THADA: variants seen among roughly 807,000 people sequenced by gnomAD.
The protein encoded by THADA is THADA armadillo repeat containing, also known as tRNA (32-2'-O)-methyltransferase regulator THADA.
THADA carries 213 observed loss-of-function variants against 219.8 expected under a neutral mutation model. The ratio of observed to expected loss-of-function variants is 0.97; its 90% CI spans 0.87 to 1.09. THADA has a LOEUF of 1.09. Among genes scored for constraint, THADA ranks in the 50% least tolerant of loss-of-function variants. The pLI is 0.00. For missense variants in THADA, 2,956 were observed against 2,311.3 expected (o/e 1.28, Z -5.72); for synonymous variants, 1,018 against 828.9 (o/e 1.23, Z -3.92).
At chr2:43,415,061 T>A (rs1315532297) in intron 28 of THADA, among the ~76,000 whole-genome samples, 1 of 152,180 alleles carries the variant, frequency 6.6e-6, no homozygotes, top group African/African-American at 2.4e-5. Context: ...TCCCTTTGTT[T>A]CGAGTTCTAC....
chr2:43,377,663 G>A (rs1671535020), intron 29 of THADA, among the ~76,000 whole-genome samples: 1 of 152,124 alleles, frequency 6.6e-6, no homozygotes, highest in African/African-American at 2.4e-5. Flanking sequence ...TTCCTTATGA[G>A]CAATCAAAAT....
chr2:43,263,386 G>A lies in THADA; in HGVS notation c.5296+16379C>T, dbSNP rs77392610. 4.8e-3 allele frequency among the ~76,000 whole-genome samples: 738 copies of A among 152,224 alleles called. 4 individuals are homozygous for A. Among genetic ancestry groups the A allele is most frequent in the African/African-American group, 0.017 (689 of 41,508 alleles). On this transcript the variant is annotated intron_variant, in intron 36 of 37. Transcript: ENST00000405975. ...AGGATGCATACAGAAATATATGCTG[G>A]GTGGGTGGGTGATTGGGGGGGCATT...
chr2:43,570,454 T>C lies in THADA; in HGVS notation c.2121A>G (p.Lys707=). Residue 707 remains lysine (K), a synonymous_variant, in exon 14 of 38, where the codon AAA becomes AAG. Transcript: ENST00000405975. ...SQVLYKLEQS[K]SKREPENELT... ...ACTCATTCTCTGGTTCACGTTTGGA[T>C]TTACTCTGCTCCAATTTATAAAGTA... is the stretch of plus-strand genomic sequence containing the variant. The C allele has an allele frequency of 6.2e-7, 1 of 1,613,590 alleles. No homozygotes were observed. Among genetic ancestry groups the C allele is most frequent in the Middle Eastern group, 1.7e-4 (1 of 6,056 alleles).
At chr2:43,340,640 A>G (rs1321014059) in intron 30 of THADA, among the ~76,000 whole-genome samples, 1 of 152,250 alleles carries the variant, frequency 6.6e-6, no homozygotes, top group Non-Finnish European at 1.5e-5. Context: ...TTGCAAAAAC[A>G]TTAATTTTTC....
intron 26 of THADA, among the ~76,000 whole-genome samples, chr2:43,460,395 T>G (rs1161458484): frequency 6.6e-6 from 1 of 152,080 alleles, no homozygotes; most frequent in East Asian, 1.9e-4. Context: ...ATTCTGTCCA[T>G]GCAAAGATTT....
At chr2:43,454,824 A>G (rs1573732259) in intron 26 of THADA, among the ~76,000 whole-genome samples, 2 of 152,216 alleles carry the variant, frequency 1.3e-5, no homozygotes, top group African/African-American at 4.8e-5. Flanking sequence ...GTTAAGTTAA[A>G]TACGAATAAG....
At chr2:43,271,718 G>A (rs1169594220) in intron 36 of THADA, among the ~76,000 whole-genome samples, 1 of 150,134 alleles carries the variant, frequency 6.7e-6, no homozygotes, top group African/African-American at 2.5e-5. Flanking sequence ...GGGTTCAAGC[G>A]ATTCTCCTGC....
At chr2:43,589,402 G>A (rs1701322757) in intron 4 of THADA, among the ~76,000 whole-genome samples, 1 of 152,158 alleles carries the variant, frequency 6.6e-6, no homozygotes, top group Non-Finnish European at 1.5e-5. Flanking sequence ...ACACTAATAT[G>A]AGGTATCTAA....
chr2:43,316,396 T>TAGAA (rs1678086133), intron 31 of THADA, among the ~76,000 whole-genome samples: 1 of 151,898 alleles, frequency 6.6e-6, no homozygotes, highest in Admixed American at 6.6e-5. Flanking sequence ...AAAAAATAAA[T>TAGAA]AAACAAGAAA....
intron 35 of THADA, among the ~76,000 whole-genome samples, chr2:43,281,890 C>T (rs1673405902): frequency 6.6e-6 from 1 of 152,190 alleles, no homozygotes; most frequent in Admixed American, 6.5e-5. Context: ...CTGCCTTAGC[C>T]TCCTGAGTAG....
intron 4 of THADA, among the ~76,000 whole-genome samples, chr2:43,587,384 CTTTA>C (rs770187660): frequency 5.9e-5 from 9 of 152,178 alleles, no homozygotes; most frequent in Non-Finnish European, 1.2e-4. Flanking sequence ...CTGACCTCAT[CTTTA>C]TTTATTTTTT....
chr2:43,332,048 G>A (rs987104201), intron 30 of THADA, among the ~76,000 whole-genome samples: 1 of 152,118 alleles, frequency 6.6e-6, no homozygotes. Flanking sequence ...CTATACAAGT[G>A]TAACTTTACT....
intron 21 of THADA, among the ~76,000 whole-genome samples, chr2:43,535,474 T>C (rs1261658795): frequency 6.7e-6 from 1 of 149,334 alleles, no homozygotes; most frequent in Non-Finnish European, 1.5e-5. Flanking sequence ...AGGTCAGGAG[T>C]CTGAGACCAG....
At chr2:43,525,752 T>C (rs890583903) in intron 22 of THADA, among the ~76,000 whole-genome samples, 21 of 152,106 alleles carry the variant, frequency 1.4e-4, no homozygotes, top group Admixed American at 1.3e-3. Context: ...AAACCATGAA[T>C]GTAATAAAAT....
chr2:43,377,905 A>C (rs984547076), intron 29 of THADA, among the ~76,000 whole-genome samples: 3 of 152,198 alleles, frequency 2.0e-5, no homozygotes, highest in Admixed American at 6.5e-5. Context: ...AAAAGGCAGA[A>C]TTCACATTCC....
At chr2:43,419,966 C>G (rs1677484586) in intron 28 of THADA, among the ~76,000 whole-genome samples, 1 of 152,170 alleles carries the variant, frequency 6.6e-6, no homozygotes, top group South Asian at 2.1e-4. Context: ...TGTGAATTTC[C>G]TGGGTCGCCC....
At chr2:43,397,573 T>C (rs1227775135) in intron 29 of THADA, among the ~76,000 whole-genome samples, 1 of 152,010 alleles carries the variant, frequency 6.6e-6, no homozygotes, top group Non-Finnish European at 1.5e-5. Flanking sequence ...TGTGTACAGC[T>C]CTTCCTGTGC....
chr2:43,574,599 G>A lies in THADA; in HGVS notation c.1466C>T (p.Ser489Leu). The A allele has an allele frequency of 6.2e-7, 1 of 1,613,954 alleles. No individual in the cohort carries two copies. The highest frequency in any genetic ancestry group is 8.5e-7 in the Non-Finnish European group (1 of 1,179,894). ...GAGGTCACTTGCATAAGGTACCAAT[G>A]ACTGGTCTCCCATCACCTCTAAGAT... ...SQILEVMGDQ[S>L]LVPYASDLLE... The change falls in exon 11 of 38, where the codon TCA becomes TTA. Residue 489 changes from serine (S) to leucine (L), a missense_variant. By Grantham distance (145) the Ser-to-Leu change is moderately radical (BLOSUM62 -2). Transcript: ENST00000405975.
chr2:43,445,985 T>G (rs934111063), intron 26 of THADA, among the ~76,000 whole-genome samples: 11 of 152,206 alleles, frequency 7.2e-5, no homozygotes, highest in Non-Finnish European at 1.0e-4. Context: ...CCACGCCCCC[T>G]GTGAAGTCAC....
Sources: gnomAD v4.1 joint callset for allele counts (sites outside exome capture counted in the v4.1 genomes callset) on GRCh38, gnomAD v4.1.1 for gene constraint, MANE v1.5 for transcripts, NCBI Gene and HGNC (gene_info 2026-07-23, HGNC 2026-07-21) for gene names.